The following FBXW8 variants were observed in gnomAD, a reference collection of about 807,000 sequenced individuals.
FBXW8 encodes F-box/WD repeat-containing protein 8.
FBXW8 carries 57 observed loss-of-function variants against 65.3 expected under a neutral mutation model. The ratio of observed to expected loss-of-function variants is 0.87; its 90% CI spans 0.71 to 1.09. The LOEUF (loss-of-function observed/expected upper bound fraction) is 1.09, where lower values mean the gene tolerates loss of function less well. Among genes scored for constraint, FBXW8 ranks in the 50% least tolerant of loss-of-function variants. The probability of loss-of-function intolerance (pLI) is 0.00; values close to 1 mark genes in which losing one functional copy is unlikely to be tolerated. For synonymous variants in FBXW8, 308 were observed against 330.2 expected, an observed-to-expected ratio of 0.93 and a Z score of 0.73; for missense variants, 777 against 814.8, an observed-to-expected ratio of 0.95 and a Z score of 0.57.
chr12:116,996,183 C>T (rs764608761), intron 7 of FBXW8, among the ~76,000 whole-genome samples: 24 of 152,156 alleles, frequency 1.6e-4, no homozygotes, highest in Admixed American at 3.9e-4. Flanking sequence ...TTAAGCGGCA[C>T]ACGGCGTGCA....
At chr12:116,932,430 T>C (rs73397412) in intron 2 of FBXW8, among the ~76,000 whole-genome samples, 41 of 152,304 alleles carry the variant, frequency 2.7e-4, no homozygotes, top group African/African-American at 9.9e-4. Context: ...TGAAGGCGGT[T>C]TGAGAGTGGT....
chr12:116,926,676 C>A (rs564561597), intron 1 of FBXW8, among the ~76,000 whole-genome samples: 15 of 152,148 alleles, frequency 9.9e-5, no homozygotes, highest in African/African-American at 3.4e-4. Flanking sequence ...GTCAAAATTT[C>A]TCTCTTGATT....
In FBXW8 at chr12:117,024,256, G is replaced by A. The variant is rs556933871; in HGVS notation, c.1477G>A (p.Glu493Lys). The change falls in exon 9 of 11, where the codon GAG becomes AAG. Residue 493 changes from glutamate to lysine, a missense_variant. Physicochemically the swap from Glu to Lys is moderately conservative, Grantham distance 56. Transcript: ENST00000652555. ...TGACTGGAAGATCGTCAGTGGAGGC[G>A]AGGAAGGCCTGGTGTCCGTGTGGGA... Reference protein sequence around the residue: ...MDDWKIVSGGEEGLVSVWDYR... With the variant: ...MDDWKIVSGGKEGLVSVWDYR... 8.7e-6 allele frequency: 14 copies of A among 1,614,186 alleles called. No individual in the cohort carries two copies. Among genetic ancestry groups the A allele is most frequent in the African/African-American group, 6.7e-5 (5 of 75,034 alleles).
At chr12:116,983,863 C>A (rs1393294039) in intron 5 of FBXW8, among the ~76,000 whole-genome samples, 1 of 152,214 alleles carries the variant, frequency 6.6e-6, no homozygotes, top group African/African-American at 2.4e-5. Context: ...CTTTCATCTG[C>A]CTCACAGTCC....
At chr12:116,967,510 A>G (rs373499328) in intron 5 of FBXW8, among the ~76,000 whole-genome samples, 194 of 152,336 alleles carry the variant, frequency 1.3e-3, no homozygotes, top group African/African-American at 4.5e-3. Context: ...TCACCAGTTT[A>G]TAGTGTCACC....
chr12:116,911,412 C>G (rs1283979282), intron 1 of FBXW8, 57 bp downstream of exon 1: 1 of 1,159,456 alleles, frequency 8.6e-7, no homozygotes, highest in Non-Finnish European at 1.1e-6. Context: ...GCCCCCAGGA[C>G]AAACCCCTGC....
chr12:117,001,952 C>T (rs192132600), intron 7 of FBXW8, among the ~76,000 whole-genome samples: 3 of 152,340 alleles, frequency 2.0e-5, no homozygotes, highest in South Asian at 4.1e-4. Context: ...CCTGGCCTTC[C>T]TTTATTATTC....
At chr12:117,010,203 G>A in intron 7 of FBXW8, 120 bp from the exon 8 acceptor site, 1 of 1,460,372 alleles carries the variant, frequency 6.8e-7, no homozygotes, top group Non-Finnish European at 9.3e-7. Flanking sequence ...TTAAGTGGCA[G>A]AACATCTTCA....
rs1882158260 is a variant in FBXW8 at position 116,936,351 on chromosome 12, C to T, written c.423+8224C>T. On this transcript the variant is annotated intron_variant, in intron 2 of 10. Transcript: ENST00000652555. This position sits in a 1 kb window ranked among gnomAD's most constrained non-coding sequence, Gnocchi z 4.6. Reference sequence around the variant, plus strand: ...TGTCGTACGCTGAATAATGGCCCTCCCAAATATGCTGACGTCCTAATCCCT... The same window carrying T: ...TGTCGTACGCTGAATAATGGCCCTCTCAAATATGCTGACGTCCTAATCCCT... 6.6e-6 allele frequency among the ~76,000 whole-genome samples: 1 copy of T among 152,160 alleles called. No individual in the cohort carries two copies. The highest frequency in any genetic ancestry group is 2.1e-4 in the South Asian group (1 of 4,826).
In FBXW8 at chr12:116,930,796, C is replaced by A. The variant is rs560562162; in HGVS notation, c.423+2669C>A. ...AAGTCTTATGTTTAAGATTTTAATC[C>A]GTTTTGAACTTATTTTTATTTTTTT... On this transcript the variant is annotated intron_variant, in intron 2 of 10. Coordinates refer to ENST00000652555, the MANE Select transcript of FBXW8 (RefSeq NM_153348.3). 2.0e-5 allele frequency among the ~76,000 whole-genome samples: 3 copies of A among 152,074 alleles called. No individual in the cohort carries two copies. In the South Asian group the frequency reaches 6.2e-4, roughly 32 times the overall value.
At chr12:117,027,562 C>A in intron 10 of FBXW8, 58 bp downstream of exon 10, 1 of 1,303,852 alleles carries the variant, frequency 7.7e-7, no homozygotes, top group Non-Finnish European at 1.1e-6. Context: ...TGTATAGAAC[C>A]CCACCCCCCC....
chr12:116,983,699 T>C (rs910416708), intron 5 of FBXW8, among the ~76,000 whole-genome samples: 59 of 152,222 alleles, frequency 3.9e-4, no homozygotes, highest in African/African-American at 1.2e-3. Context: ...TAGGAAGTTA[T>C]AGGAAATAGG....
At chr12:117,006,328 C>T (rs1592950550) in intron 7 of FBXW8, among the ~76,000 whole-genome samples, 1 of 152,152 alleles carries the variant, frequency 6.6e-6, no homozygotes, top group East Asian at 1.9e-4. Flanking sequence ...GGTGATAGCC[C>T]CCAATTTAGG....
In FBXW8 at chr12:116,911,147, G is replaced by A; in HGVS notation, c.110G>A (p.Arg37Gln). The part of the protein sequence containing the change: ...RRPEAAERRA[R>Q]RPEVGSGRGE... Reference sequence around the variant, plus strand: ...CCCGAGGCTGCCGAGAGGCGGGCTCGGCGGCCGGAGGTGGGCTCCGGGCGC... The same window carrying A: ...CCCGAGGCTGCCGAGAGGCGGGCTCAGCGGCCGGAGGTGGGCTCCGGGCGC... Residue 37 changes from arginine to glutamine, a missense_variant, in exon 1 of 11, where the codon CGG becomes CAG. Physicochemically the swap from Arg to Gln is conservative, Grantham distance 43 (BLOSUM62 1). Transcript: ENST00000652555. The A allele has an allele frequency of 1.5e-6, 2 of 1,348,012 alleles. No individual in the cohort carries two copies. The highest frequency in any genetic ancestry group is 1.5e-5 in the African/African-American group (1 of 64,564). The allele number at this position is 1,348,012 out of a possible 1,614,324, so 83.5% of individuals were successfully genotyped here.
intron 8 of FBXW8, among the ~76,000 whole-genome samples, chr12:117,023,376 A>G (rs1323922234): frequency 6.6e-6 from 1 of 152,108 alleles, no homozygotes; most frequent in African/African-American, 2.4e-5. Flanking sequence ...TCATCTTTAC[A>G]TTTATTAAAT....
At chr12:116,968,429 T>C (rs548718331) in intron 5 of FBXW8, among the ~76,000 whole-genome samples, 1 of 152,358 alleles carries the variant, frequency 6.6e-6, no homozygotes, top group Admixed American at 6.5e-5. Flanking sequence ...CTTTTTTCTC[T>C]AAATAGCATA....
intron 4 of FBXW8, among the ~76,000 whole-genome samples, chr12:116,959,704 G>T (rs780783027): frequency 5.9e-5 from 9 of 152,186 alleles, no homozygotes; most frequent in Admixed American, 3.3e-4. Flanking sequence ...GTTAATGAAA[G>T]CTCTTTGGTG....
At position 116,962,256 on chromosome 12, in the gene FBXW8, G is replaced by A. The variant is rs115006802; in HGVS notation, c.678-2441G>A. Among the ~76,000 whole-genome samples the A allele has an allele frequency of 4.4e-3, 675 of 152,322 alleles. 6 individuals carry two copies. Among genetic ancestry groups the A allele is most frequent in the African/African-American group, 0.015 (635 of 41,558 alleles). On this transcript the variant is annotated intron_variant, in intron 4 of 10. Transcript: ENST00000652555. ...TGAATAGAGTGCTGTTATCTGTGGGGTTCCTGCCCTCACTCTCTTCTCTTT... is the reference window on the plus strand; with the variant it reads ...TGAATAGAGTGCTGTTATCTGTGGGATTCCTGCCCTCACTCTCTTCTCTTT...
Position 117,028,017 on chromosome 12 carries a change from G to A in FBXW8, c.1653-11G>A. On this transcript the variant is annotated splice_polypyrimidine_tract_variant and intron_variant, in intron 10 of 10. Transcript: ENST00000652555. The surrounding 1 kb of genome is among the most constrained non-coding windows in gnomAD (Gnocchi z 4.1). ...AGCCCTGACCTGTCACCATCTTTGT[G>A]CTCTTTCTAGACACCGGGGGCTGAT... The A allele has an allele frequency of 6.2e-7, 1 of 1,613,860 alleles. No homozygotes were observed. Among genetic ancestry groups the A allele is most frequent in the Non-Finnish European group, 8.5e-7 (1 of 1,180,028 alleles).
Sources: gnomAD v4.1 joint callset for allele counts (sites outside exome capture counted in the v4.1 genomes callset) on GRCh38, gnomAD v4.1.1 for gene constraint, Gnocchi (gnomAD v3.1) non-coding constraint, MANE v1.5 for transcripts, NCBI Gene and HGNC (gene_info 2026-07-23, HGNC 2026-07-21) for gene names.